TRHDE: variants seen among roughly 807,000 people sequenced by gnomAD.
TRHDE encodes the protein thyrotropin-releasing hormone-degrading ectoenzyme.
TRHDE carries 72 observed loss-of-function variants against 125.7 expected under a neutral mutation model. The ratio of observed to expected loss-of-function variants is 0.57; its 90% CI spans 0.47 to 0.70. The LOEUF is 0.70. Ranked by LOEUF, TRHDE falls within the 30% of genes least tolerant of loss-of-function variation. The pLI is 0.00. For missense variants in TRHDE, 1,110 were observed against 1,327.1 expected (o/e 0.84, Z 2.54); for synonymous variants, 509 against 509.1 (o/e 1.00, Z 0.00).
chr12:72,364,528 G>A (rs1207209089), intron 2 of TRHDE, among the ~76,000 whole-genome samples: 1 of 151,986 alleles, frequency 6.6e-6, no homozygotes, highest in African/African-American at 2.4e-5. Context: ...TATGTCCTCA[G>A]CACCTAGGAT....
chr12:72,273,210 C>G lies in TRHDE; in HGVS notation c.567C>G (p.His189Gln). 6.2e-7 allele frequency: 1 copy of G among 1,606,506 alleles called. No individual in the cohort carries two copies. The highest frequency in any genetic ancestry group is 8.5e-7 in the Non-Finnish European group (1 of 1,174,392). ...EPWTQLRLSG[H>Q]LKPLHYNLML... is the part of the protein sequence containing the mutation. ...GGACGCAGCTGCGCCTGTCGGGCCA[C>G]CTGAAGCCGCTGCACTACAATCTGA... The change falls in exon 1 of 19, where the codon CAC becomes CAG. Residue 189 changes from histidine to glutamine, a missense_variant. His to Gln is a conservative substitution (Grantham distance 24). Around this residue, in one of 5 missense-constraint regions of TRHDE, gnomAD observed 72 missense variants for 122.2 expected, o/e 0.59. Transcript: ENST00000261180. The surrounding 1 kb of genome is among the most constrained non-coding windows in gnomAD (Gnocchi z 5.3).
rs182861103 is a variant in TRHDE, at chr12:72,142,344, C to T, written n.279+36592C>T. ...CTAAAGTCTTTTTAATAAACCTCCA[C>T]TTCTGCTCTGGAACGTGCCTTGGTC... On this transcript the variant is annotated intron_variant and non_coding_transcript_variant, in intron 2 of 4. Transcript: ENST00000548156. Among the ~76,000 whole-genome samples the T allele has an allele frequency of 2.8e-4, 42 of 152,284 alleles. No individual in the cohort carries two copies. The East Asian group carries it at 7.4e-3, about 27-fold the overall frequency.
intron 2 of TRHDE, among the ~76,000 whole-genome samples, chr12:72,344,383 T>G (rs569994490): frequency 1.3e-5 from 2 of 152,290 alleles, no homozygotes; most frequent in South Asian, 4.1e-4. Flanking sequence ...TATCTTTTAA[T>G]TTTTACAAAA....
At chr12:72,262,171 A>G (rs1878965012) in intron 2 of TRHDE, among the ~76,000 whole-genome samples, 1 of 152,176 alleles carries the variant, frequency 6.6e-6, no homozygotes, top group African/African-American at 2.4e-5. Flanking sequence ...TGCAATTTCA[A>G]CTAGCTAATA....
intron 12 of TRHDE, among the ~76,000 whole-genome samples, chr12:72,602,060 A>G (rs899209267): frequency 3.3e-5 from 5 of 152,290 alleles, no homozygotes; most frequent in Admixed American, 3.3e-4. Flanking sequence ...TCAGAGCTTC[A>G]TGAGAGTGCT....
intron 6 of TRHDE, among the ~76,000 whole-genome samples, chr12:72,530,276 C>T (rs1374124034): frequency 6.6e-6 from 1 of 152,046 alleles, no homozygotes; most frequent in Non-Finnish European, 1.5e-5. Context: ...TTATCATTTA[C>T]TCAAACTTTT....
intron 2 of TRHDE, among the ~76,000 whole-genome samples, chr12:72,188,041 T>C (rs1033216483): frequency 2.0e-5 from 3 of 152,236 alleles, no homozygotes; most frequent in Admixed American, 1.3e-4. Context: ...AAAGGACATA[T>C]GTGTTAATGT....
chr12:72,430,466 T>C (rs1034414897), intron 3 of TRHDE, among the ~76,000 whole-genome samples: 11 of 149,444 alleles, frequency 7.4e-5, no homozygotes, highest in East Asian at 2.0e-4. Context: ...TGTATATATA[T>C]ACACACATAT....
chr12:72,099,991 G>A (rs1025900283), intron 1 of TRHDE, among the ~76,000 whole-genome samples: 1 of 152,084 alleles, frequency 6.6e-6, no homozygotes, highest in Non-Finnish European at 1.5e-5. Context: ...ATATGAATGA[G>A]CTTATATTTA....
intron 2 of TRHDE, among the ~76,000 whole-genome samples, chr12:72,228,154 C>T (rs187436772): frequency 6.6e-6 from 1 of 152,306 alleles, no homozygotes; most frequent in African/African-American, 2.4e-5. Context: ...GCTCCAACCC[C>T]ACATTTCTTT....
chr12:72,639,740 G>A (rs1392697697), intron 15 of TRHDE, among the ~76,000 whole-genome samples: 2 of 152,078 alleles, frequency 1.3e-5, no homozygotes, highest in African/African-American at 2.4e-5. Context: ...CTCAGCTGCA[G>A]GTCTGTTGGA....
intron 3 of TRHDE, among the ~76,000 whole-genome samples, chr12:72,408,866 T>G (rs1309503959): frequency 6.6e-6 from 1 of 151,630 alleles, no homozygotes; most frequent in East Asian, 1.9e-4. Context: ...AAAGAGACAA[T>G]AAAAAGCCAT....
chr12:72,170,086 C>T (rs1377497571), intron 2 of TRHDE, among the ~76,000 whole-genome samples: 5 of 152,126 alleles, frequency 3.3e-5, no homozygotes, highest in South Asian at 2.1e-4. Flanking sequence ...CAGAACGTAT[C>T]GTCTTGGTAG....
chr12:72,372,614 C>T (rs1182215744), intron 2 of TRHDE, among the ~76,000 whole-genome samples: 1 of 152,120 alleles, frequency 6.6e-6, no homozygotes, highest in Non-Finnish European at 1.5e-5. Flanking sequence ...ATATGGCTAG[C>T]CAGTTTTCCC....
intron 5 of TRHDE, among the ~76,000 whole-genome samples, chr12:72,490,039 A>G (rs1877590742): frequency 6.6e-6 from 1 of 151,858 alleles, no homozygotes; most frequent in Non-Finnish European, 1.5e-5. Context: ...AGGAAACAAC[A>G]AAATAAAATG....
intron 12 of TRHDE, among the ~76,000 whole-genome samples, chr12:72,594,433 G>A (rs1871834949): frequency 1.3e-5 from 2 of 150,810 alleles, no homozygotes; most frequent in South Asian, 4.2e-4. Context: ...GGTCAGGCTG[G>A]TCTCGAACTC....
intron 3 of TRHDE, among the ~76,000 whole-genome samples, chr12:72,451,899 G>A (rs12301567): frequency 0.13 from 20,380 of 152,022 alleles, 2,094 homozygotes; most frequent in African/African-American, 0.28. Context: ...TGCAATCTTG[G>A]CTTACTGAAA....
intron 15 of TRHDE, among the ~76,000 whole-genome samples, chr12:72,637,320 G>T (rs1347731342): frequency 2.0e-5 from 3 of 152,166 alleles, no homozygotes; most frequent in Non-Finnish European, 2.9e-5. Context: ...TCTGATGGTA[G>T]TTTGTATTTC....
rs1054969137 is a variant in TRHDE at position 72,626,315 on chromosome 12, A to G, written c.2675+4564A>G. Reference sequence around the variant, plus strand: ...ATGAGAGTTATGTAAAAGAATGCCTATATAATACTTAACCTTTGCAGAAAA... The same window carrying G: ...ATGAGAGTTATGTAAAAGAATGCCTGTATAATACTTAACCTTTGCAGAAAA... On this transcript the variant is annotated intron_variant, in intron 15 of 18. Transcript: ENST00000261180. 2.0e-5 allele frequency among the ~76,000 whole-genome samples: 3 copies of G among 151,936 alleles called. No homozygotes were observed. In the South Asian group the frequency reaches 6.2e-4, roughly 31 times the overall value.
Sources: allele counts gnomAD v4.1 joint callset (sites outside exome capture counted in the v4.1 genomes callset), GRCh38; gene constraint gnomAD v4.1.1; regional missense constraint gnomAD v4.1.1; non-coding constraint Gnocchi (gnomAD v3.1); transcripts MANE v1.5; gene names NCBI Gene and HGNC (gene_info 2026-07-23, HGNC 2026-07-21).